The following TTC14 variants were observed in gnomAD, a reference collection of about 807,000 sequenced individuals.
TTC14 encodes the protein tetratricopeptide repeat domain 14.
A neutral mutation model predicts 79.9 loss-of-function variants in TTC14; 63 were observed. The observed-to-expected ratio is 0.79, with a 90% CI of 0.64 to 0.97. The LOEUF is 0.97. TTC14 is among the 50% of genes least tolerant of loss of function. The probability of loss-of-function intolerance (pLI) is 0.00; values close to 1 mark genes in which losing one functional copy is unlikely to be tolerated. For synonymous variants in TTC14, 335 were observed against 309.6 expected (o/e 1.08, Z -0.86); for missense variants, 895 against 894.0 (o/e 1.00, Z -0.01).
chr3:180,602,474 C>A, intron 1 of TTC14, 52 bp downstream of exon 1: 3 of 1,526,346 alleles, frequency 2.0e-6, no homozygotes, highest in Non-Finnish European at 2.6e-6. Flanking sequence ...GCAGCTCTGG[C>A]AGCCACTACC....
chr3:180,618,127 T>C (rs1443369213), downstream of TTC14, among the ~76,000 whole-genome samples: 4 of 152,186 alleles, frequency 2.6e-5, no homozygotes, highest in Non-Finnish European at 4.4e-5. Flanking sequence ...AACAATAGGC[T>C]ATACCATCTA....
rs955262892 is a variant in TTC14 at position 180,604,381 on chromosome 3, A to G, written c.571+72A>G. 2.6e-6 allele frequency: 4 copies of G among 1,562,070 alleles called. No homozygotes were observed. In the African/African-American group the frequency reaches 4.1e-5, roughly 16 times the overall value. ...TTTGTTTTTATTAATTTAAAAAAAT[A>G]CAGTCTAAGAGGGTAGTGTTTGGGA... On this transcript the variant is annotated intron_variant, in intron 4 of 11. Transcript: ENST00000296015.
downstream of TTC14, chr3:180,613,871 CA>C (rs1385853247): frequency 8.8e-6 from 4 of 453,104 alleles, no homozygotes; most frequent in Admixed American, 2.4e-5. Flanking sequence ...ATTTCTAAAA[CA>C]AAACAAAAAA....
At position 180,617,420 on chromosome 3, in the gene TTC14, TC is replaced by T; in HGVS notation, c.1816del (p.Gln606ArgfsTer16). 1 of 671,840 alleles carries T rather than the reference TC, an allele frequency of 1.5e-6. No homozygotes were observed. Among genetic ancestry groups the T allele is most frequent in the Non-Finnish European group, 2.7e-6 (1 of 369,820 alleles). 41.6% of individuals were successfully genotyped at this position (671,840 alleles called of 1,614,324 possible). A position where few individuals can be genotyped will look rare whatever the true frequency, so the allele number is the denominator to read the frequency against. On this transcript the variant is annotated frameshift_variant, in exon 13 of 13. Coordinates refer to the TTC14 transcript ENST00000382584. LOFTEE classifies it high-confidence loss of function. ...TTAAAAAGTTAACTATAAAACAGCC[TC>T]AGGCAGGTCCTTCAGGAGATATTCC...
chr3:180,603,360 T>C lies in TTC14; in HGVS notation c.486+37T>C, dbSNP rs763397410. 3.2e-6 allele frequency: 5 copies of C among 1,545,578 alleles called. No individual in the cohort carries two copies. In the African/African-American group the frequency reaches 6.8e-5, roughly 21 times the overall value. ...TTGTTACTTGGATTGCTTCTGTTTT[T>C]GTTAACGCATCTCAATGCAAGAACT... On this transcript the variant is annotated intron_variant, in intron 3 of 11. Transcript: ENST00000296015.
rs530173302 is a variant in TTC14, at chr3:180,609,009, C to CA, written c.1400+206dup. 1,383 of 1,093,422 alleles carry CA rather than the reference C, an allele frequency of 1.3e-3. 2 individuals carry two copies. The Middle Eastern group carries it at 0.014, about 11-fold the overall frequency. The allele number at this position is 1,093,422 out of a possible 1,614,324, so 67.7% of individuals were successfully genotyped here. A position where few individuals can be genotyped will look rare whatever the true frequency, so the allele number is the denominator to read the frequency against. The stretch of plus-strand genomic sequence containing the variant: ...AGTGGAATTTAAGGCTAGAATTCTA[C>CA]AAAAAAAGAGTATCTTAGAATTAAA... On this transcript the variant is annotated intron_variant, in intron 11 of 11. Transcript: ENST00000296015.
Position 180,609,676 on chromosome 3 carries a change from TCTG to T in TTC14, c.1451_1453del (p.Ala484del), listed in dbSNP as rs1217863244. On this transcript the variant is annotated inframe_deletion, in exon 12 of 12. Coordinates refer to ENST00000296015, the MANE Select transcript of TTC14 (RefSeq NM_133462.4). ...ATCAACTTCTTCTTCAAGTGTTTCT[TCTG>T]CTGATGAATCAGTGTCTTCATCATC... 12 of 1,589,982 alleles carry T rather than the reference TCTG, an allele frequency of 7.5e-6. No individual in the cohort carries two copies. The highest frequency in any genetic ancestry group is 2.2e-5 in the East Asian group (1 of 44,746).
In TTC14 at chr3:180,610,324, CAT is replaced by C. The variant is rs1560076174; in HGVS notation, c.2096_2097del (p.His699ArgfsTer14). 2 of 1,613,084 alleles carry C rather than the reference CAT, an allele frequency of 1.2e-6. No homozygotes were observed. Among genetic ancestry groups the C allele is most frequent in the Non-Finnish European group, 1.7e-6 (2 of 1,179,724 alleles). On this transcript the variant is annotated frameshift_variant, in exon 12 of 12. Transcript: ENST00000296015. LOFTEE classifies it high-confidence loss of function. ...AHSGSRDFSR[H>X]EQRYRLNTNQ... Reference sequence around the variant, plus strand: ...CTCTGGATCACGTGATTTCAGTAGACATGAGCAAAGATACCGTTTAAATACAA... The same window carrying C: ...CTCTGGATCACGTGATTTCAGTAGACGAGCAAAGATACCGTTTAAATACAA...
intron 9 of TTC14, 93 bp downstream of exon 9, chr3:180,606,696 A>C (rs1267897823): frequency 1.5e-6 from 2 of 1,361,780 alleles, no homozygotes; most frequent in Non-Finnish European, 2.0e-6. Context: ...TTAAGCACTT[A>C]ATTTATAACA....
At chr3:180,608,574 G>A in intron 10 of TTC14, 127 bp from the exon 11 acceptor site, 1 of 1,311,698 alleles carries the variant, frequency 7.6e-7, no homozygotes, top group Non-Finnish European at 9.8e-7. Flanking sequence ...ACTGTTTAAT[G>A]CTGGCTCTAT....
downstream of TTC14, chr3:180,615,066 C>T (rs1302714959): frequency 1.3e-6 from 2 of 1,537,048 alleles, no homozygotes; most frequent in African/African-American, 1.4e-5. Flanking sequence ...TGTACTTGTA[C>T]TCCTAGATGA....
rs1277697958 is a variant in TTC14 at position 180,610,114 on chromosome 3, T to G, written c.1885T>G (p.Ser629Ala). 2.5e-6 allele frequency: 4 copies of G among 1,613,008 alleles called. No individual in the cohort carries two copies. The highest frequency in any genetic ancestry group is 1.7e-5 in the Admixed American group (1 of 59,776). Residue 629 changes from serine (S) to alanine (A), a missense_variant, in exon 12 of 12, where the codon TCC becomes GCC. Physicochemically the swap from Ser to Ala is moderately conservative, Grantham distance 99. Coordinates refer to ENST00000296015, the MANE Select transcript of TTC14 (RefSeq NM_133462.4). ...AAGACATTTTTCCAGTAGAAGAAAT[T>G]CCTCAGATTCCTTCTGTAGGAATTC... Reference protein sequence around the residue: ...SERHFSSRRNSSDSFCRNSED... With the variant: ...SERHFSSRRNASDSFCRNSED...
intron 6 of TTC14, 111 bp from the exon 7 acceptor site, chr3:180,605,655 T>C (rs1716638516): frequency 1.4e-6 from 1 of 691,556 alleles, no homozygotes; most frequent in Admixed American, 3.6e-5. Flanking sequence ...AATGCAGATT[T>C]CTTGCTTGGG....
chr3:180,615,473 A>C (rs1422371411), downstream of TTC14, among the ~76,000 whole-genome samples: 1 of 152,132 alleles, frequency 6.6e-6, no homozygotes, highest in Non-Finnish European at 1.5e-5. Context: ...GAGAAGAGAG[A>C]AGCATATTGA....
At position 180,605,844 on chromosome 3, in the gene TTC14, AGACT is replaced by A; in HGVS notation, c.929+9_929+12del. On this transcript the variant is annotated splice_region_variant and intron_variant, in intron 7 of 11. Coordinates refer to ENST00000296015, the MANE Select transcript of TTC14 (RefSeq NM_133462.4). Reference sequence around the variant, plus strand: ...CATCTTGGGCTTTAAAATGGTATGAAGACTGTCTTTCAACAATTGCATTATATCT... The same window carrying A: ...CATCTTGGGCTTTAAAATGGTATGAAGTCTTTCAACAATTGCATTATATCT... 1 of 1,576,446 alleles carries A rather than the reference AGACT, an allele frequency of 6.3e-7. No homozygotes were observed. The highest frequency in any genetic ancestry group is 8.5e-7 in the Non-Finnish European group (1 of 1,170,042).
chr3:180,605,948 C>A (rs1576920279), intron 7 of TTC14, 111 bp downstream of exon 7: 2 of 1,100,800 alleles, frequency 1.8e-6, no homozygotes, highest in African/African-American at 1.6e-5. Flanking sequence ...TAAAGTGATG[C>A]CTTTTTGACA....
intron 12 of TTC14, chr3:180,616,763 A>C: frequency 1.3e-6 from 2 of 1,582,930 alleles, no homozygotes; most frequent in Non-Finnish European, 1.7e-6. Context: ...TTAATAGATG[A>C]AGGAGGATTT....
At chr3:180,615,099 T>C (rs1357655814), downstream of TTC14, 2 of 1,499,148 alleles carry the variant, frequency 1.3e-6, no homozygotes, top group East Asian at 4.9e-5. Flanking sequence ...ACCAGAATTA[T>C]AAATTCAATG....
chr3:180,604,901 A>G lies in TTC14; in HGVS notation c.751A>G (p.Met251Val). ...TTCTTTGGAGTCCTATGAAAATGTC[A>G]TGCAGAGTTCCTTGGGATTTGTTAA... ...SNSLESYENV[M>V]QSSLGFVNPG... The change falls in exon 6 of 12, where the codon ATG becomes GTG. Residue 251 changes from methionine (M) to valine (V), a missense_variant. Met to Val is a conservative substitution (Grantham distance 21, BLOSUM62 1). Transcript: ENST00000296015. 6.2e-7 allele frequency: 1 copy of G among 1,614,104 alleles called. No individual in the cohort carries two copies. The highest frequency in any genetic ancestry group is 8.5e-7 in the Non-Finnish European group (1 of 1,180,012).
Sources: gnomAD v4.1 joint callset for allele counts (sites outside exome capture counted in the v4.1 genomes callset) on GRCh38, gnomAD v4.1.1 for gene constraint, MANE v1.5 for transcripts, NCBI Gene and HGNC (gene_info 2026-07-23, HGNC 2026-07-21) for gene names.